The following TRAPPC9 variants were observed in gnomAD, a reference collection of about 807,000 sequenced individuals.
TRAPPC9 encodes the protein IKK2 binding protein.
TRAPPC9 carries 83 observed loss-of-function variants against 124.0 expected under a neutral mutation model. The ratio of observed to expected loss-of-function variants is 0.67; its 90% CI spans 0.56 to 0.80. The LOEUF is 0.80. TRAPPC9 is among the 30% of genes least tolerant of loss of function. The probability of loss-of-function intolerance (pLI) is 0.00; values close to 1 mark genes in which losing one functional copy is unlikely to be tolerated. For missense variants in TRAPPC9, 1,302 were observed against 1,508.3 expected, an observed-to-expected ratio of 0.86 and a Z score of 2.27; for synonymous variants, 638 against 617.5, an observed-to-expected ratio of 1.03 and a Z score of -0.49.
At chr8:140,449,477 G>C (rs1000284810) in intron 2 of TRAPPC9, among the ~76,000 whole-genome samples, 5 of 152,222 alleles carry the variant, frequency 3.3e-5, no homozygotes, top group African/African-American at 1.2e-4. Context: ...AGCAGAGAGT[G>C]GAAGGAAGTG....
At chr8:139,815,620 G>T (rs1824775807) in intron 21 of TRAPPC9, among the ~76,000 whole-genome samples, 1 of 151,286 alleles carries the variant, frequency 6.6e-6, no homozygotes, top group African/African-American at 2.4e-5. Flanking sequence ...TAGAACTCCT[G>T]ACCTCAAATG....
intron 17 of TRAPPC9, among the ~76,000 whole-genome samples, chr8:140,074,082 C>T (rs1470457952): frequency 6.6e-6 from 1 of 152,188 alleles, no homozygotes; most frequent in Non-Finnish European, 1.5e-5. Context: ...TTTACCGTCA[C>T]AGACAGGAAG....
intron 17 of TRAPPC9, among the ~76,000 whole-genome samples, chr8:140,130,887 A>G (rs2061198212): frequency 6.6e-6 from 1 of 152,236 alleles, no homozygotes; most frequent in South Asian, 2.1e-4. Context: ...CAAGCACAAT[A>G]AATGTTCAGT....
At chr8:139,935,669 CTTTTT>C (rs377706417) in intron 19 of TRAPPC9, among the ~76,000 whole-genome samples, 33 of 132,556 alleles carry the variant, frequency 2.5e-4, no homozygotes, top group Middle Eastern at 3.7e-3. Flanking sequence ...TCAGTCTTTG[CTTTTT>C]TTTTTTTTTT....
chr8:140,068,127 C>T (rs1473228172), intron 17 of TRAPPC9, among the ~76,000 whole-genome samples: 1 of 152,126 alleles, frequency 6.6e-6, no homozygotes, highest in Non-Finnish European at 1.5e-5. Flanking sequence ...GAGCTCCTTA[C>T]AAGCAAGGAT....
At chr8:139,903,429 A>G (rs761552514) in intron 20 of TRAPPC9, among the ~76,000 whole-genome samples, 59 of 152,112 alleles carry the variant, frequency 3.9e-4, no homozygotes, top group Non-Finnish European at 7.1e-4. Flanking sequence ...TTCCTACTCC[A>G]GCTCACACAG....
intron 5 of TRAPPC9, among the ~76,000 whole-genome samples, chr8:140,421,123 G>A (rs1258545759): frequency 1.3e-5 from 2 of 152,132 alleles, no homozygotes; most frequent in African/African-American, 2.4e-5. Context: ...CTGTGCATAA[G>A]ACAGGATAAA....
At chr8:139,927,281 G>A (rs906467535) in intron 19 of TRAPPC9, among the ~76,000 whole-genome samples, 1 of 151,622 alleles carries the variant, frequency 6.6e-6, no homozygotes, top group Admixed American at 6.6e-5. Flanking sequence ...GTCTCACTCT[G>A]TTACTCAAGC....
chr8:140,174,123 T>A (rs994112758), intron 17 of TRAPPC9, among the ~76,000 whole-genome samples: 4 of 152,086 alleles, frequency 2.6e-5, no homozygotes, highest in Non-Finnish European at 5.9e-5. Flanking sequence ...GATTTTTTTT[T>A]AATTGAGATT....
At chr8:139,902,628 AAC>A (rs1831091290) in intron 20 of TRAPPC9, among the ~76,000 whole-genome samples, 2 of 152,244 alleles carry the variant, frequency 1.3e-5, no homozygotes, top group Admixed American at 1.3e-4. Flanking sequence ...CGATTAGAAA[AAC>A]ACAGTGTGCT....
intron 5 of TRAPPC9, among the ~76,000 whole-genome samples, chr8:140,409,843 G>C (rs1195967344): frequency 6.6e-6 from 1 of 152,164 alleles, no homozygotes; most frequent in Non-Finnish European, 1.5e-5. Context: ...GAGGTGGAAA[G>C]AATAGGAGAG....
chr8:140,077,699 C>T (rs1054100584), intron 17 of TRAPPC9, among the ~76,000 whole-genome samples: 21 of 152,244 alleles, frequency 1.4e-4, no homozygotes, highest in African/African-American at 4.6e-4. Context: ...CATCAGGAGT[C>T]GCTTCCTGAA....
At chr8:140,279,915 G>C (rs2065253632) in intron 14 of TRAPPC9, among the ~76,000 whole-genome samples, 1 of 152,172 alleles carries the variant, frequency 6.6e-6, no homozygotes, top group Admixed American at 6.5e-5. Context: ...CCTTTTTGGT[G>C]ATCTGCCCTT....
Position 140,087,284 on chromosome 8 carries a change from G to A in TRAPPC9, c.2557-63205C>T, listed in dbSNP as rs544081271. 1.3e-5 allele frequency among the ~76,000 whole-genome samples: 2 copies of A among 151,846 alleles called. No individual in the cohort carries two copies. The highest frequency in any genetic ancestry group is 4.8e-5 in the African/African-American group (2 of 41,320). On this transcript the variant is annotated intron_variant, in intron 17 of 22. Coordinates refer to ENST00000438773, the MANE Select transcript of TRAPPC9 (RefSeq NM_001160372.4). This position sits in a 1 kb window ranked among gnomAD's most constrained non-coding sequence, Gnocchi z 4.6. ...CGGCCCCATCACCCTGCAGATGTCG[G>A]GGTGCCTCGAAAGCACAGCACTCTA...
intron 21 of TRAPPC9, among the ~76,000 whole-genome samples, chr8:139,845,890 T>C (rs569856503): frequency 6.6e-6 from 1 of 152,322 alleles, no homozygotes; most frequent in East Asian, 1.9e-4. Context: ...TCAAAGGGTT[T>C]CCAGGCTGGC....
At chr8:140,427,360 CTA>C (rs199787407) in intron 4 of TRAPPC9, among the ~76,000 whole-genome samples, 1 of 146,972 alleles carries the variant, frequency 6.8e-6, no homozygotes, top group African/African-American at 2.5e-5. Context: ...ATACATCTCT[CTA>C]TATATATATC....
chr8:140,343,153 A>T (rs570327795), intron 9 of TRAPPC9, among the ~76,000 whole-genome samples: 1 of 152,380 alleles, frequency 6.6e-6, no homozygotes, highest in South Asian at 2.1e-4. Context: ...GATGACCAGA[A>T]AAGCACATCA....
intron 9 of TRAPPC9, among the ~76,000 whole-genome samples, chr8:140,337,293 G>T (rs2067069309): frequency 6.6e-6 from 1 of 152,122 alleles, no homozygotes; most frequent in Admixed American, 6.6e-5. Flanking sequence ...CACACAAGAG[G>T]TGTGTGACAA....
At chr8:140,233,889 T>C (rs1327182573) in intron 16 of TRAPPC9, among the ~76,000 whole-genome samples, 1 of 152,100 alleles carries the variant, frequency 6.6e-6, no homozygotes, top group African/African-American at 2.4e-5. Context: ...ACCCTGATTA[T>C]ATACTCACAG....
Sources: allele counts gnomAD v4.1 joint callset (sites outside exome capture counted in the v4.1 genomes callset), GRCh38; gene constraint gnomAD v4.1.1; non-coding constraint Gnocchi (gnomAD v3.1); transcripts MANE v1.5; gene names NCBI Gene and HGNC (gene_info 2026-07-23, HGNC 2026-07-21).